CD101: variants seen among roughly 807,000 people sequenced by gnomAD.
CD101 encodes CD101 molecule.
CD101 carries 76 observed loss-of-function variants against 98.2 expected under a neutral mutation model. That is an observed-to-expected ratio of 0.77 (90% CI 0.64 to 0.94). The LOEUF (loss-of-function observed/expected upper bound fraction) is 0.94. Ranked by LOEUF, CD101 falls within the 40% of genes least tolerant of loss-of-function variation. The pLI, the probability that CD101 is intolerant of heterozygous loss-of-function variation, is 0.00. For missense variants in CD101, 1,145 were observed against 1,218.8 expected, an observed-to-expected ratio of 0.94 and a Z score of 0.90; for synonymous variants, 471 against 472.7, an observed-to-expected ratio of 1.00 and a Z score of 0.05.
chr1:117,009,509 A>G (rs1404657131), intron 1 of CD101, among the ~76,000 whole-genome samples: 1 of 152,270 alleles, frequency 6.6e-6, no homozygotes, highest in Non-Finnish European at 1.5e-5. Context: ...AAATTTTCTC[A>G]GAAAATAATG....
rs760911609 is a variant in CD101, at chr1:117,025,773, A to T, written c.2693A>T (p.Gln898Leu). 18 of 1,614,092 alleles carry T rather than the reference A, an allele frequency of 1.1e-5. No individual in the cohort carries two copies. Among genetic ancestry groups the T allele is most frequent in the South Asian group, 5.5e-5 (5 of 91,092 alleles). ...SSTDFVLKLH[Q>L]VEMEDAGMYW... ...ACAGACTTTGTCCTGAAGCTTCATCAGGTGGAGATGGAGGATGCAGGAATG... is the reference window on the plus strand; with the variant it reads ...ACAGACTTTGTCCTGAAGCTTCATCTGGTGGAGATGGAGGATGCAGGAATG... Residue 898 changes from glutamine (Q) to leucine (L), a missense_variant, in exon 8 of 10, where the codon CAG (glutamine) becomes CTG (leucine). By Grantham distance (113) the Gln-to-Leu change is moderately radical. Transcript: ENST00000682167.
chr1:117,002,757 G>A (rs890848047), intron 1 of CD101, among the ~76,000 whole-genome samples: 2 of 152,102 alleles, frequency 1.3e-5, no homozygotes, highest in Non-Finnish European at 2.9e-5. Context: ...AAATCTACAG[G>A]TAGGTCTTTT....
chr1:117,034,027 T>C lies in CD101; in HGVS notation c.2992T>C (p.Trp998Arg). ...CAACACACGGAAAGAAAAAGCTCTC[T>C]GGGTGGACTTGAAAGAGGCTGGAGG... ...RSNTRKEKALWVDLKEAGGVT... is the reference protein window; with the variant it reads ...RSNTRKEKALRVDLKEAGGVT... Residue 998 changes from tryptophan to arginine, a missense_variant, in exon 9 of 10, where the codon TGG (tryptophan) becomes CGG (arginine). Trp to Arg is a moderately radical substitution (Grantham distance 101, BLOSUM62 -3). Coordinates refer to ENST00000682167, the MANE Select transcript of CD101 (RefSeq NM_001256106.3). 1 of 1,614,162 alleles carries C rather than the reference T, an allele frequency of 6.2e-7. No individual in the cohort carries two copies.
rs1654563470 is a variant in CD101, at chr1:117,033,077, A to C, written c.2825-783A>C. 1 of 152,416 alleles carries C rather than the reference A, an allele frequency of 6.6e-6. No individual in the cohort carries two copies. Among genetic ancestry groups the C allele is most frequent in the Admixed American group, 6.5e-5 (1 of 15,286 alleles). 9.4% of individuals were successfully genotyped at this position (152,416 alleles called of 1,614,324 possible). A position where few individuals can be genotyped will look rare whatever the true frequency, so the allele number is the denominator to read the frequency against. ...AGACATACTCAAGTAACTATAGTGA[A>C]CAAAGGAGACGAGTAAAAGGGAATT... On this transcript the variant is annotated intron_variant, in intron 8 of 9. Transcript: ENST00000682167. This position sits in a 1 kb window ranked among gnomAD's most constrained non-coding sequence, Gnocchi z 4.8.
In CD101 at chr1:117,019,415, C is replaced by A. The variant is rs1390504943; in HGVS notation, c.2017+855C>A. ...AACATTTTTGGTAATAGTAATGATC[C>A]CCTTGTTCATGAATTCATGCTTAAT... On this transcript the variant is annotated intron_variant, in intron 6 of 9. Transcript: ENST00000682167. This position sits in a 1 kb window ranked among gnomAD's most constrained non-coding sequence, Gnocchi z 4.3. Among the ~76,000 whole-genome samples, 2 of 151,926 alleles carry A rather than the reference C, an allele frequency of 1.3e-5. No homozygotes were observed. Among genetic ancestry groups the A allele is most frequent in the East Asian group, 3.9e-4 (2 of 5,192 alleles).
At chr1:117,014,183 CTTTGTG>C (rs1653063375) in intron 4 of CD101, among the ~76,000 whole-genome samples, 1 of 97,782 alleles carries the variant, frequency 1.0e-5, no homozygotes, top group Non-Finnish European at 2.0e-5. Flanking sequence ...AGCCCTCTGC[CTTTGTG>C]TGTGTGTGTG....
chr1:117,004,103 C>G lies in CD101; in HGVS notation c.43+2243C>G, dbSNP rs1279323917. ...TAGCTTTGTCTGCTTGATCTATTTC[C>G]CCCACCCAAACTAGCTGCCCTACAA... On this transcript the variant is annotated intron_variant, in intron 1 of 9. Transcript: ENST00000682167. This position sits in a 1 kb window ranked among gnomAD's most constrained non-coding sequence, Gnocchi z 4.1. 6.6e-6 allele frequency among the ~76,000 whole-genome samples: 1 copy of G among 152,014 alleles called. No homozygotes were observed. Among genetic ancestry groups the G allele is most frequent in the Non-Finnish European group, 1.5e-5 (1 of 68,018 alleles).
intron 8 of CD101, chr1:117,032,906 G>A (rs1654551582): frequency 1.3e-5 from 2 of 152,300 alleles, no homozygotes; most frequent in African/African-American, 4.8e-5. Context: ...GACTGCAGCT[G>A]CGGGATGATC....
rs746173020 is a variant in CD101, at chr1:117,011,818, A to G, written c.693A>G (p.Thr231=). The change falls in exon 3 of 10, where the codon ACA becomes ACG. Residue 231 remains threonine (T), a synonymous_variant. Coordinates refer to ENST00000682167, the MANE Select transcript of CD101 (RefSeq NM_001256106.3). ...DVQLNKLGPT[T]FRLSIERLQS... is the part of the protein sequence containing the mutation. ...AGCTCAACAAACTGGGACCCACTAC[A>G]TTCAGGCTGTCCATAGAGAGGCTCC... 5.6e-6 allele frequency: 9 copies of G among 1,614,036 alleles called. No homozygotes were observed. In the Admixed American group the frequency reaches 1.5e-4, roughly 27 times the overall value.
At chr1:117,001,931 C>T in intron 1 of CD101, 71 bp downstream of exon 1, 1 of 1,462,214 alleles carries the variant, frequency 6.8e-7, no homozygotes, top group Non-Finnish European at 9.6e-7. Context: ...AGTGATGGAA[C>T]AGGACAATTT....
Position 117,005,262 on chromosome 1 carries a change from C to T in CD101, c.43+3402C>T, listed in dbSNP as rs1353443951. Among the ~76,000 whole-genome samples, 4 of 152,138 alleles carry T rather than the reference C, an allele frequency of 2.6e-5. No homozygotes were observed. ...GCTTCACCCATTCTCCATCCCACCC[C>T]TTCCTACCGCTCCTCACCTAGCTAC... On this transcript the variant is annotated intron_variant, in intron 1 of 9. Transcript: ENST00000682167. This position sits in a 1 kb window ranked among gnomAD's most constrained non-coding sequence, Gnocchi z 4.4.
At chr1:117,015,919 T>C (rs1432054077) in intron 4 of CD101, among the ~76,000 whole-genome samples, 2 of 152,186 alleles carry the variant, frequency 1.3e-5, no homozygotes, top group Non-Finnish European at 2.9e-5. Flanking sequence ...AAATTAGTGT[T>C]GGGCTGCCTA....
chr1:117,012,110 C>A lies in CD101; in HGVS notation c.841+144C>A. ...TGATTTAATTTTGTATTTTTGTCAT[C>A]TGAGAAGCATAACTAAGAGGGAGCA... On this transcript the variant is annotated intron_variant, in intron 3 of 9. Coordinates refer to ENST00000682167, the MANE Select transcript of CD101 (RefSeq NM_001256106.3). The surrounding 1 kb of genome is among the most constrained non-coding windows in gnomAD (Gnocchi z 4.0). 2.6e-6 allele frequency: 2 copies of A among 776,896 alleles called. No individual in the cohort carries two copies. Among genetic ancestry groups the A allele is most frequent in the East Asian group, 2.7e-5 (1 of 37,126 alleles). The allele number at this position is 776,896 out of a possible 1,614,324, so 48.1% of individuals were successfully genotyped here.
rs1356438649 is a variant in CD101, at chr1:117,034,128, A to G, written c.*27A>G. On this transcript the variant is annotated 3_prime_UTR_variant, in exon 9 of 10. Transcript: ENST00000682167. ...TCCCAAGAGGCACCTGCAGCCAGGA[A>G]GGAAAGGTGGGGGCTTTTTAATTGG... 1.2e-6 allele frequency: 2 copies of G among 1,612,094 alleles called. No individual in the cohort carries two copies. The highest frequency in any genetic ancestry group is 1.7e-6 in the Non-Finnish European group (2 of 1,179,444).
intron 1 of CD101, among the ~76,000 whole-genome samples, chr1:117,007,960 T>G (rs1652638230): frequency 6.6e-6 from 1 of 152,228 alleles, no homozygotes; most frequent in South Asian, 2.1e-4. Context: ...GCTGTGCATA[T>G]TCTTTCACAC....
At chr1:117,017,502 A>G (rs1270256549) in intron 5 of CD101, 29 bp downstream of exon 5, 2 of 1,578,138 alleles carry the variant, frequency 1.3e-6, no homozygotes, top group East Asian at 2.2e-5. Flanking sequence ...CCTTTTCTGC[A>G]CCTGTATATC....
chr1:117,017,318 T>G lies in CD101; in HGVS notation c.1457T>G (p.Leu486Arg). ...CCCAGTTACCATGGCAACACAAGGC[T>G]GGAGAAAATGGACTGGGCCACCTTC... ...GVPSYHGNTRLEKMDWATFQL... is the reference protein window; with the variant it reads ...GVPSYHGNTRREKMDWATFQL... The change falls in exon 5 of 10, where the codon CTG becomes CGG. Residue 486 changes from leucine to arginine, a missense_variant. Leu to Arg is a moderately radical substitution (Grantham distance 102). Transcript: ENST00000682167. 1 of 1,614,206 alleles carries G rather than the reference T, an allele frequency of 6.2e-7. No individual in the cohort carries two copies. Among genetic ancestry groups the G allele is most frequent in the South Asian group, 1.1e-5 (1 of 91,088 alleles).
chr1:117,026,621 A>AT (rs1653949773), intron 8 of CD101: 1 of 152,224 alleles, frequency 6.6e-6, no homozygotes, highest in South Asian at 2.1e-4. Flanking sequence ...GCTCTGTAGA[A>AT]TCGGCAGTTT....
At chr1:117,008,876 C>T (rs1652704032) in intron 1 of CD101, among the ~76,000 whole-genome samples, 1 of 152,194 alleles carries the variant, frequency 6.6e-6, no homozygotes, top group Non-Finnish European at 1.5e-5. Context: ...TGGTGTCTTC[C>T]AACCCTGTCT....
Sources: gnomAD v4.1 joint callset for allele counts (sites outside exome capture counted in the v4.1 genomes callset) on GRCh38, gnomAD v4.1.1 for gene constraint, Gnocchi (gnomAD v3.1) non-coding constraint, MANE v1.5 for transcripts, NCBI Gene and HGNC (gene_info 2026-07-23, HGNC 2026-07-21) for gene names.